Variants in RTN4RL1 observed in about 807,000 individuals in gnomAD.
The protein encoded by RTN4RL1 is reticulon-4 receptor-like 1.
Under a neutral mutation model 25.6 loss-of-function variants are expected in RTN4RL1, and 7 were observed. That is an observed-to-expected ratio of 0.27 (90% CI 0.16 to 0.51). RTN4RL1 has a LOEUF of 0.51. Among genes scored for constraint, RTN4RL1 ranks in the 20% least tolerant of loss-of-function variants. The pLI is 0.97. For synonymous variants in RTN4RL1, 297 were observed against 288.2 expected (o/e 1.03, Z -0.31); for missense variants, 500 against 615.6 (o/e 0.81, Z 1.99).
intron 1 of RTN4RL1, among the ~76,000 whole-genome samples, chr17:1,972,236 G>A (rs1483162877): frequency 5.9e-5 from 9 of 151,870 alleles, no homozygotes; most frequent in African/African-American, 2.2e-4. Flanking sequence ...GAACCCAGGA[G>A]GTGAAGGCTG....
At chr17:1,993,901 C>T (rs1168930065) in intron 1 of RTN4RL1, among the ~76,000 whole-genome samples, 1 of 152,200 alleles carries the variant, frequency 6.6e-6, no homozygotes. Flanking sequence ...ATCAAACCCA[C>T]CCTCAAAGGT....
At chr17:1,995,585 G>C (rs1393959951) in intron 1 of RTN4RL1, 1 of 152,252 alleles carries the variant, frequency 6.6e-6, no homozygotes, top group Non-Finnish European at 1.5e-5. Context: ...GTCGCCGGAA[G>C]TCCCACCTGC....
Position 1,937,656 on chromosome 17 carries a change from T to C in RTN4RL1, c.166A>G (p.Ser56Gly), listed in dbSNP as rs528290556. The C allele has an allele frequency of 1.9e-6, 3 of 1,613,822 alleles. No homozygotes were observed. The Admixed American group carries it at 5.0e-5, about 27-fold the overall frequency. The change falls in exon 2 of 2, where the codon AGC (serine) becomes GGC (glycine). Residue 56 changes from serine (S) to glycine (G), a missense_variant. By Grantham distance (56) the Ser-to-Gly change is moderately conservative. Transcript: ENST00000331238. ...TTGTTCTGCAGGAAGACGCGCTCGC[T>C]GTCCACGGGGATGCCCTCCGGGATG... ...AAIPEGIPVD[S>G]ERVFLQNNRI... is the part of the protein sequence containing the mutation.
intron 1 of RTN4RL1, among the ~76,000 whole-genome samples, chr17:2,005,989 G>A (rs1467264707): frequency 6.6e-6 from 1 of 151,586 alleles, no homozygotes; most frequent in Non-Finnish European, 1.5e-5. Context: ...AGTAAAGACG[G>A]GATTTCACTG....
chr17:1,986,610 C>T (rs1184027541), intron 1 of RTN4RL1, among the ~76,000 whole-genome samples: 1 of 152,114 alleles, frequency 6.6e-6, no homozygotes, highest in African/African-American at 2.4e-5. Flanking sequence ...AGAGAACCCC[C>T]ACGGCCCCCA....
chr17:1,984,272 G>C (rs780144607), intron 1 of RTN4RL1, among the ~76,000 whole-genome samples: 1 of 152,244 alleles, frequency 6.6e-6, no homozygotes, highest in South Asian at 2.1e-4. Flanking sequence ...CTGAGAAGCC[G>C]AGTCAAGGCC....
intron 1 of RTN4RL1, among the ~76,000 whole-genome samples, chr17:1,993,229 C>A (rs1206901481): frequency 6.6e-6 from 1 of 152,060 alleles, no homozygotes; most frequent in Non-Finnish European, 1.5e-5. Context: ...GCCTGGGTGA[C>A]AGAGCGAAAC....
At chr17:1,995,329 G>A (rs542759309) in intron 1 of RTN4RL1, among the ~76,000 whole-genome samples, 66 of 152,068 alleles carry the variant, frequency 4.3e-4, no homozygotes, top group African/African-American at 1.4e-3. Flanking sequence ...GGGAAGCTGA[G>A]GCAGGAAAAT....
chr17:1,974,839 C>T (rs1311856787), intron 1 of RTN4RL1, among the ~76,000 whole-genome samples: 1 of 152,226 alleles, frequency 6.6e-6, no homozygotes, highest in Non-Finnish European at 1.5e-5. Flanking sequence ...CAGGAGCCCA[C>T]TGGTGTCATC....
At chr17:1,999,441 G>A (rs1015530917) in intron 1 of RTN4RL1, among the ~76,000 whole-genome samples, 3 of 129,092 alleles carry the variant, frequency 2.3e-5, no homozygotes, top group African/African-American at 8.8e-5. Context: ...GCAAGACTCC[G>A]TCTCGAAAAA....
At chr17:1,986,535 A>G (rs2066888035) in intron 1 of RTN4RL1, among the ~76,000 whole-genome samples, 1 of 152,114 alleles carries the variant, frequency 6.6e-6, no homozygotes, top group Non-Finnish European at 1.5e-5. Context: ...TATAAGAGAC[A>G]GAAGAGGAGG....
At chr17:2,010,571 A>C (rs1389507157) in intron 1 of RTN4RL1, among the ~76,000 whole-genome samples, 1 of 152,092 alleles carries the variant, frequency 6.6e-6, no homozygotes, top group African/African-American at 2.4e-5. Context: ...TTATTTATTT[A>C]GAGATGGGGT....
At chr17:1,983,441 A>C (rs1808075373) in intron 1 of RTN4RL1, among the ~76,000 whole-genome samples, 1 of 152,192 alleles carries the variant, frequency 6.6e-6, no homozygotes, top group South Asian at 2.1e-4. Context: ...AGCCCTTCCC[A>C]AGACGCTGCA....
chr17:2,006,223 T>C (rs2066994491), intron 1 of RTN4RL1, among the ~76,000 whole-genome samples: 1 of 150,706 alleles, frequency 6.6e-6, no homozygotes, highest in Non-Finnish European at 1.5e-5. Flanking sequence ...AATGGCACAA[T>C]CTCGGCTCAC....
At chr17:2,018,653 A>G (rs1312238835) in intron 1 of RTN4RL1, among the ~76,000 whole-genome samples, 1 of 152,152 alleles carries the variant, frequency 6.6e-6, no homozygotes, top group Non-Finnish European at 1.5e-5. Context: ...GGCTTGACAG[A>G]CAGAGCGGGG....
chr17:2,000,726 G>C (rs570430410), intron 1 of RTN4RL1, among the ~76,000 whole-genome samples: 127 of 151,942 alleles, frequency 8.4e-4, no homozygotes, highest in African/African-American at 2.9e-3. Flanking sequence ...CGCCATGTTG[G>C]CCAGGCTGGT....
chr17:1,974,436 GC>G (rs1449347137), intron 1 of RTN4RL1, among the ~76,000 whole-genome samples: 6 of 152,200 alleles, frequency 3.9e-5, no homozygotes, highest in Non-Finnish European at 4.4e-5. Flanking sequence ...GAGAACCAAA[GC>G]TTAGAGAGGT....
chr17:1,939,841 C>T (rs1915405069), intron 1 of RTN4RL1, among the ~76,000 whole-genome samples: 1 of 152,184 alleles, frequency 6.6e-6, no homozygotes, highest in South Asian at 2.1e-4. Flanking sequence ...GGCCCCCACC[C>T]TGGAGGGCCA....
At chr17:2,011,107 C>T (rs375518491) in intron 1 of RTN4RL1, among the ~76,000 whole-genome samples, 3 of 152,022 alleles carry the variant, frequency 2.0e-5, no homozygotes, top group South Asian at 2.1e-4. Flanking sequence ...CAAAATTGGC[C>T]GGGCGTGATG....
Sources: allele counts gnomAD v4.1 joint callset (sites outside exome capture counted in the v4.1 genomes callset), GRCh38; gene constraint gnomAD v4.1.1; transcripts MANE v1.5; gene names NCBI Gene and HGNC (gene_info 2026-07-23, HGNC 2026-07-21).